The following CNTN6 variants were observed in gnomAD, a reference collection of about 807,000 sequenced individuals.
The protein encoded by CNTN6 is contactin-6.
A neutral mutation model predicts 122.8 loss-of-function variants in CNTN6; 137 were observed. The observed-to-expected ratio is 1.12, with a 90% CI of 0.97 to 1.29. The LOEUF (loss-of-function observed/expected upper bound fraction) is 1.29. Ranked by LOEUF, CNTN6 falls within the 50% of genes most tolerant of loss-of-function variation. CNTN6 has a pLI of 0.00. For missense variants in CNTN6, 1,634 were observed against 1,223.4 expected (o/e 1.34, Z -5.01); for synonymous variants, 570 against 426.0 (o/e 1.34, Z -4.16).
chr3:1,255,813 C>G (rs1276276541), intron 4 of CNTN6, among the ~76,000 whole-genome samples: 1 of 151,986 alleles, frequency 6.6e-6, no homozygotes. Flanking sequence ...GTAGCTGGGT[C>G]CACAAGCTTG....
chr3:1,212,977 A>G (rs2094067982), intron 2 of CNTN6, among the ~76,000 whole-genome samples: 1 of 152,210 alleles, frequency 6.6e-6, no homozygotes, highest in African/African-American at 2.4e-5. Context: ...TGATAATTCA[A>G]CAAGACCTAA....
At chr3:1,160,711 T>G (rs973631102) in intron 2 of CNTN6, among the ~76,000 whole-genome samples, 3 of 151,302 alleles carry the variant, frequency 2.0e-5, no homozygotes, top group African/African-American at 7.3e-5. Flanking sequence ...TAGGCTTCCA[T>G]AGAATTTGTG....
chr3:1,285,187 G>T (rs1486893900), intron 5 of CNTN6, among the ~76,000 whole-genome samples: 1 of 152,196 alleles, frequency 6.6e-6, no homozygotes, highest in Non-Finnish European at 1.5e-5. Flanking sequence ...CCAGTCTTCA[G>T]TATGTATTTA....
chr3:1,180,490 C>G (rs756804125), intron 2 of CNTN6, among the ~76,000 whole-genome samples: 2 of 152,160 alleles, frequency 1.3e-5, no homozygotes, highest in Non-Finnish European at 2.9e-5. Context: ...AGATACTAAT[C>G]CTGCTGACTC....
intron 11 of CNTN6, among the ~76,000 whole-genome samples, chr3:1,337,259 G>T (rs571631548): frequency 1.3e-5 from 2 of 152,182 alleles, no homozygotes; most frequent in South Asian, 4.2e-4. Flanking sequence ...TCTTGTGGAG[G>T]CACCAGCTAA....
At chr3:1,214,331 G>A (rs554789848) in intron 2 of CNTN6, among the ~76,000 whole-genome samples, 6 of 81,844 alleles carry the variant, frequency 7.3e-5, no homozygotes, top group East Asian at 1.2e-3. Flanking sequence ...TTTTTGAGAC[G>A]GAGTTTTGCT....
At chr3:1,174,858 A>C (rs2093419785) in intron 2 of CNTN6, among the ~76,000 whole-genome samples, 1 of 152,172 alleles carries the variant, frequency 6.6e-6, no homozygotes, top group African/African-American at 2.4e-5. Flanking sequence ...TCCGGAAATA[A>C]TTGTTTATTC....
At chr3:1,213,803 C>T (rs1034700404) in intron 2 of CNTN6, among the ~76,000 whole-genome samples, 3 of 141,314 alleles carry the variant, frequency 2.1e-5, no homozygotes, top group African/African-American at 7.6e-5. Context: ...ATTTGAACTT[C>T]TAATAAATGA....
At chr3:1,129,441 T>C (rs997861447) in intron 1 of CNTN6, among the ~76,000 whole-genome samples, 1 of 152,034 alleles carries the variant, frequency 6.6e-6, no homozygotes, top group African/African-American at 2.4e-5. Flanking sequence ...TTCATGCATA[T>C]AGGCACAGGC....
chr3:1,098,756 G>GCACACACA (rs57847953), intron 1 of CNTN6, among the ~76,000 whole-genome samples: 2 of 89,072 alleles, frequency 2.2e-5, no homozygotes, highest in African/African-American at 4.7e-5. Flanking sequence ...TGGCAGTAAT[G>GCACACACA]CACACACACA....
chr3:1,127,862 G>C (rs2092218572), intron 1 of CNTN6, among the ~76,000 whole-genome samples: 1 of 151,750 alleles, frequency 6.6e-6, no homozygotes, highest in South Asian at 2.1e-4. Context: ...TCAATTTTGT[G>C]TGTGTGTATA....
chr3:1,322,183 AAGT>A (rs1700953263), intron 8 of CNTN6, among the ~76,000 whole-genome samples: 2 of 151,762 alleles, frequency 1.3e-5, no homozygotes, highest in African/African-American at 4.8e-5. Context: ...TTCTAATTCT[AAGT>A]AGAATTAATA....
intron 2 of CNTN6, among the ~76,000 whole-genome samples, chr3:1,211,825 G>A (rs934526494): frequency 7.2e-5 from 11 of 152,120 alleles, no homozygotes; most frequent in African/African-American, 2.7e-4. Context: ...ATTCTTGGGA[G>A]AGAGAAACAC....
chr3:1,130,491 A>G lies in CNTN6; in HGVS notation c.-82-17436A>G, dbSNP rs115260546. Among the ~76,000 whole-genome samples the G allele has an allele frequency of 4.0e-3, 614 of 152,236 alleles. 8 individuals are homozygous for G. The highest frequency in any genetic ancestry group is 0.014 in the African/African-American group (580 of 41,560). On this transcript the variant is annotated intron_variant, in intron 1 of 22. Transcript: ENST00000446702. The stretch of plus-strand genomic sequence containing the variant: ...ATGGGGAATTGATAAATAAATACCC[A>G]TCTTTCTAGCCCCGTTGTTGAGTTC...
At chr3:1,342,451 TGCTTTCCA>T (rs1704037883) in intron 11 of CNTN6, among the ~76,000 whole-genome samples, 2 of 152,214 alleles carry the variant, frequency 1.3e-5, no homozygotes. Flanking sequence ...TATAAGCACT[TGCTTTCCA>T]GCAAAACATA....
intron 2 of CNTN6, among the ~76,000 whole-genome samples, chr3:1,161,933 C>T (rs1287433232): frequency 6.6e-6 from 1 of 151,752 alleles, no homozygotes; most frequent in Non-Finnish European, 1.5e-5. Context: ...TTTTATTTTT[C>T]ATACAGAATT....
Position 1,349,869 on chromosome 3 carries a change from C to T in CNTN6, c.1365-2455C>T, listed in dbSNP as rs530711744. Among the ~76,000 whole-genome samples, 14 of 151,620 alleles carry T rather than the reference C, an allele frequency of 9.2e-5. No individual in the cohort carries two copies. In the South Asian group the frequency reaches 2.9e-3, roughly 31 times the overall value. ...AAAGGAGAAATCTAAGTGATACATT[C>T]AAATATCTGTACTGTTTGTTATGCC... is the stretch of plus-strand genomic sequence containing the variant. On this transcript the variant is annotated intron_variant, in intron 11 of 22. Coordinates refer to ENST00000446702, the MANE Select transcript of CNTN6 (RefSeq NM_001289080.2).
At chr3:1,356,216 G>A (rs1359474173) in intron 12 of CNTN6, among the ~76,000 whole-genome samples, 1 of 151,780 alleles carries the variant, frequency 6.6e-6, no homozygotes, top group African/African-American at 2.4e-5. Flanking sequence ...GTAACAGCAG[G>A]CTATAAAAAT....
intron 5 of CNTN6, among the ~76,000 whole-genome samples, chr3:1,281,941 G>C (rs1693520191): frequency 6.6e-6 from 1 of 150,756 alleles, no homozygotes; most frequent in Non-Finnish European, 1.5e-5. Context: ...TTTTTAATAA[G>C]GCAGGCCTAT....
Sources: allele counts gnomAD v4.1 joint callset (sites outside exome capture counted in the v4.1 genomes callset), GRCh38; gene constraint gnomAD v4.1.1; transcripts MANE v1.5; gene names NCBI Gene and HGNC (gene_info 2026-07-23, HGNC 2026-07-21).